SLC12A7: variants seen among roughly 807,000 people sequenced by gnomAD.
The protein encoded by SLC12A7 is K-Cl cotransporter 4.
Under a neutral mutation model 120.6 loss-of-function variants are expected in SLC12A7, and 100 were observed. The observed-to-expected ratio is 0.83, with a 90% CI of 0.71 to 0.98. The LOEUF (loss-of-function observed/expected upper bound fraction) is 0.98. Among genes scored for constraint, SLC12A7 ranks in the 50% least tolerant of loss-of-function variants. The pLI is 0.00. For missense variants in SLC12A7, 1,373 were observed against 1,548.1 expected (o/e 0.89, Z 1.90); for synonymous variants, 760 against 678.0 (o/e 1.12, Z -1.88).
Position 1,051,052 on chromosome 5 carries a change from A to AAAT in SLC12A7, c.*1305_*1307dup. The AAAT allele has an allele frequency of 2.5e-6, 1 of 398,042 alleles. No homozygotes were observed. The highest frequency in any genetic ancestry group is 4.4e-6 in the Non-Finnish European group (1 of 225,906). The allele number at this position is 398,042 out of a possible 1,614,324, so 24.7% of individuals were successfully genotyped here. On this transcript the variant is annotated 3_prime_UTR_variant, in exon 24 of 24. Coordinates refer to ENST00000264930, the MANE Select transcript of SLC12A7 (RefSeq NM_006598.3). Reference sequence around the variant, plus strand: ...ACGTAACTCCCTGGGGTGTTTAAATAAATAAATATGCCACATAGAAAGGGA... The same window carrying AAAT: ...ACGTAACTCCCTGGGGTGTTTAAATAAATAATAAATATGCCACATAGAAAGGGA...
intron 1 of SLC12A7, among the ~76,000 whole-genome samples, chr5:1,109,523 C>T (rs558607335): frequency 3.3e-5 from 5 of 152,230 alleles, no homozygotes; most frequent in Non-Finnish European, 5.9e-5. Context: ...CGGGACAGGA[C>T]GCCTCCCGCA....
At chr5:1,065,014 GGGGACAC>G (rs1736857804) in intron 18 of SLC12A7, among the ~76,000 whole-genome samples, 1 of 135,200 alleles carries the variant, frequency 7.4e-6, no homozygotes, top group Non-Finnish European at 1.6e-5. Context: ...AGGAGACTGA[GGGGACAC>G]GGGACAGTGA....
chr5:1,132,133 G>A, the SLC12A7 span, among the ~76,000 whole-genome samples: 50 of 152,272 alleles, frequency 3.3e-4, no homozygotes, highest in East Asian at 5.4e-3. Flanking sequence ...AAACCAAGGC[G>A]GCATGAAAGT....
the SLC12A7 span, among the ~76,000 whole-genome samples, chr5:1,146,406 C>T: frequency 6.6e-6 from 1 of 152,142 alleles, no homozygotes; most frequent in South Asian, 2.1e-4. This position sits in a 1 kb window ranked among gnomAD's most constrained non-coding sequence, Gnocchi z 6.5. Flanking sequence ...GGGGTGCCTG[C>T]ATGTGGGTGG....
chr5:1,080,358 G>A (rs1738903248), intron 9 of SLC12A7, among the ~76,000 whole-genome samples: 2 of 152,178 alleles, frequency 1.3e-5, no homozygotes, highest in Non-Finnish European at 2.9e-5. Flanking sequence ...CACTCAGACG[G>A]ACGGGGGAGG....
At chr5:1,126,867 G>A in the SLC12A7 span, among the ~76,000 whole-genome samples, 1 of 152,208 alleles carries the variant, frequency 6.6e-6, no homozygotes, top group South Asian at 2.1e-4. Context: ...TAGTGGAGTG[G>A]GTTGAGCTGG....
chr5:1,145,283 T>G, the SLC12A7 span, among the ~76,000 whole-genome samples: 1 of 152,256 alleles, frequency 6.6e-6, no homozygotes. This position sits in a 1 kb window ranked among gnomAD's most constrained non-coding sequence, Gnocchi z 4.4. Flanking sequence ...ACACGGTCTG[T>G]GCAGTAAATG....
chr5:1,060,192 C>T, intron 21 of SLC12A7, 152 bp downstream of exon 21: 1 of 635,734 alleles, frequency 1.6e-6, no homozygotes, highest in Non-Finnish European at 2.8e-6. Context: ...CTGCCACCTC[C>T]ACGCAGGCTG....
At chr5:1,099,333 C>T (rs1741744421) in intron 1 of SLC12A7, among the ~76,000 whole-genome samples, 1 of 152,030 alleles carries the variant, frequency 6.6e-6, no homozygotes, top group South Asian at 2.1e-4. Flanking sequence ...GGTCCACCTC[C>T]TCTGGGGCAC....
chr5:1,075,738 A>T (rs1738258126), intron 14 of SLC12A7, among the ~76,000 whole-genome samples: 1 of 152,210 alleles, frequency 6.6e-6, no homozygotes, highest in Non-Finnish European at 1.5e-5. Flanking sequence ...TGCACACAGC[A>T]CCTCGGCTGT....
chr5:1,111,938 CCCG>C lies in SLC12A7; in HGVS notation c.51_53del (p.Gly18del), dbSNP rs756845449. 9 of 1,289,348 alleles carry C rather than the reference CCCG, an allele frequency of 7.0e-6. No individual in the cohort carries two copies. The East Asian group carries it at 2.8e-4, about 40-fold the overall frequency. 79.9% of individuals were successfully genotyped at this position (1,289,348 alleles called of 1,614,324 possible). A position where few individuals can be genotyped will look rare whatever the true frequency, so the allele number is the denominator to read the frequency against. On this transcript the variant is annotated inframe_deletion, in exon 1 of 24. Coordinates refer to ENST00000264930, the MANE Select transcript of SLC12A7 (RefSeq NM_006598.3). ...CCTCCGTCCGCTCGGCAGTCTCGTC[CCCG>C]CCGCCGTCGGCGTGAGCCTCCACGG...
intron 20 of SLC12A7, among the ~76,000 whole-genome samples, chr5:1,061,944 T>A (rs78533651): frequency 0.075 from 11,377 of 152,114 alleles, 633 homozygotes; most frequent in African/African-American, 0.16. Context: ...AAACTTTTTT[T>A]AAAAAAATAA....
the SLC12A7 span, among the ~76,000 whole-genome samples, chr5:1,132,279 G>A: frequency 1.3e-5 from 2 of 152,156 alleles, no homozygotes; most frequent in African/African-American, 4.8e-5. Flanking sequence ...GCCTAAAAAG[G>A]GGAGGAGCCC....
intron 13 of SLC12A7, among the ~76,000 whole-genome samples, 175 bp from the exon 14 acceptor site, chr5:1,076,411 C>CCTGTGACCA (rs750701193): frequency 0.47 from 71,570 of 151,410 alleles, 17,235 homozygotes; most frequent in East Asian, 0.61. Context: ...CCCTCAGGTT[C>CCTGTGACCA]CAGCCATCCT....
At position 1,052,342 on chromosome 5, in the gene SLC12A7, C is replaced by T. The variant is rs750226125; in HGVS notation, c.*18G>A. Reference sequence around the variant, plus strand: ...CGTCCTCCGTGCCTGTCCCAGAGTGCCGTGATGCTGTTGGGCATTAGGAGT... The same window carrying T: ...CGTCCTCCGTGCCTGTCCCAGAGTGTCGTGATGCTGTTGGGCATTAGGAGT... On this transcript the variant is annotated 3_prime_UTR_variant, in exon 24 of 24. Transcript: ENST00000264930. 1.9e-5 allele frequency: 30 copies of T among 1,605,770 alleles called. No individual in the cohort carries two copies. The highest frequency in any genetic ancestry group is 2.6e-5 in the Non-Finnish European group (30 of 1,173,752).
At chr5:1,149,639 T>G in the SLC12A7 span, among the ~76,000 whole-genome samples, 3 of 152,196 alleles carry the variant, frequency 2.0e-5, no homozygotes, top group Admixed American at 2.0e-4. Flanking sequence ...AAGTGGTGTC[T>G]TCACAATTAT....
At chr5:1,136,928 GAC>G in the SLC12A7 span, among the ~76,000 whole-genome samples, 1 of 144,378 alleles carries the variant, frequency 6.9e-6, no homozygotes, top group Non-Finnish European at 1.5e-5. Context: ...CCAACACCAG[GAC>G]ACACAGACGT....
In SLC12A7 at chr5:1,073,656, T is replaced by C; in HGVS notation, c.2218A>G (p.Met740Val). ...VLEGTYLDKH[M>V]EAQRAEENIR... ...ACCTCCTCGGCCCGCTGAGCCTCCA[T>C]GTGCTTGTCCAGGTACGTCCCCTCC... Residue 740 changes from methionine (M) to valine (V), a missense_variant, in exon 17 of 24, where the codon ATG becomes GTG. Transcript: ENST00000264930. 4 of 1,604,624 alleles carry C rather than the reference T, an allele frequency of 2.5e-6. 1 individual carries two copies. Among genetic ancestry groups the C allele is most frequent in the Non-Finnish European group, 1.7e-6 (2 of 1,176,264 alleles).
chr5:1,127,398 C>T, the SLC12A7 span, among the ~76,000 whole-genome samples: 2 of 152,194 alleles, frequency 1.3e-5, no homozygotes, highest in Non-Finnish European at 2.9e-5. Context: ...GAGGCTGAGG[C>T]GATGGGGCCA....
Sources: allele counts gnomAD v4.1 joint callset (sites outside exome capture counted in the v4.1 genomes callset), GRCh38; gene constraint gnomAD v4.1.1; non-coding constraint Gnocchi (gnomAD v3.1); transcripts MANE v1.5; gene names NCBI Gene and HGNC (gene_info 2026-07-23, HGNC 2026-07-21).